The following ZMAT4 variants were observed in gnomAD, a reference collection of about 807,000 sequenced individuals.
ZMAT4 encodes zinc finger matrin-type protein 4.
Under a neutral mutation model 28.7 loss-of-function variants are expected in ZMAT4, and 17 were observed. The observed-to-expected ratio is 0.59, with a 90% CI of 0.41 to 0.89. ZMAT4 has a LOEUF of 0.89. Ranked by LOEUF, ZMAT4 falls within the 40% of genes least tolerant of loss-of-function variation. The pLI is 0.00. For missense variants in ZMAT4, 240 were observed against 283.8 expected (o/e 0.85, Z 1.11); for synonymous variants, 117 against 109.2 (o/e 1.07, Z -0.44).
chr8:40,610,825 GAGAT>G (rs1805766355), intron 5 of ZMAT4, among the ~76,000 whole-genome samples: 1 of 150,926 alleles, frequency 6.6e-6, no homozygotes, highest in Non-Finnish European at 1.5e-5. Flanking sequence ...AGGGGAATAA[GAGAT>G]AGGCCATAGA....
In ZMAT4 at chr8:40,700,491, C is replaced by G. The variant is rs185617659; in HGVS notation, c.193-3090G>C. ...GGAGTGCAGTGGTGCTATCGTAGCT[C>G]ATTATAGCCTGGAACTCCTTAGGTT... is the stretch of plus-strand genomic sequence containing the variant. On this transcript the variant is annotated intron_variant, in intron 3 of 6. Coordinates refer to ENST00000297737, the MANE Select transcript of ZMAT4 (RefSeq NM_024645.3). Among the ~76,000 whole-genome samples, 12 of 138,510 alleles carry G rather than the reference C, an allele frequency of 8.7e-5. No individual in the cohort carries two copies. The East Asian group carries it at 1.7e-3, about 20-fold the overall frequency. The allele number at this position is 138,510 out of a possible 152,430, so 90.9% of individuals were successfully genotyped here.
intron 2 of ZMAT4, chr8:40,786,862 A>C (rs1259700076): frequency 2.0e-6 from 1 of 507,904 alleles, no homozygotes; most frequent in Non-Finnish European, 3.3e-6. Flanking sequence ...TTCTAGGCCC[A>C]CAAAGAGTAA....
At chr8:40,630,833 A>G (rs1353759714) in intron 5 of ZMAT4, among the ~76,000 whole-genome samples, 1 of 152,242 alleles carries the variant, frequency 6.6e-6, no homozygotes, top group African/African-American at 2.4e-5. Context: ...TAAGAGCCAC[A>G]TGTGTAATTT....
chr8:40,868,148 A>T (rs969363731), intron 1 of ZMAT4, among the ~76,000 whole-genome samples: 65 of 152,306 alleles, frequency 4.3e-4, no homozygotes, highest in African/African-American at 1.3e-3. Context: ...GAATGAACAA[A>T]TGTTTTGCTC....
intron 3 of ZMAT4, among the ~76,000 whole-genome samples, 172 bp downstream of exon 3, chr8:40,767,469 G>A (rs1328124478): frequency 2.0e-5 from 3 of 152,004 alleles, no homozygotes; most frequent in Admixed American, 6.5e-5. Flanking sequence ...GTTCTGGCAG[G>A]AAAATAAAAA....
chr8:40,833,029 A>G (rs1021900396), intron 1 of ZMAT4, among the ~76,000 whole-genome samples: 1 of 151,168 alleles, frequency 6.6e-6, no homozygotes, highest in African/African-American at 2.4e-5. Context: ...GAAAGAAAAA[A>G]CTCTTTGCTC....
chr8:40,844,247 A>C (rs6992115), intron 1 of ZMAT4, among the ~76,000 whole-genome samples: 50,753 of 152,082 alleles, frequency 0.33, 8,793 homozygotes, highest in East Asian at 0.56. Flanking sequence ...CTGGTAAAAC[A>C]GTATTTCTGG....
chr8:40,764,301 T>TA (rs1381931234), intron 3 of ZMAT4, among the ~76,000 whole-genome samples: 1 of 152,118 alleles, frequency 6.6e-6, no homozygotes, highest in Non-Finnish European at 1.5e-5. Context: ...ATTCTAAAGA[T>TA]AAAAGCATGT....
At chr8:40,755,996 C>T (rs992034575) in intron 3 of ZMAT4, among the ~76,000 whole-genome samples, 1 of 152,012 alleles carries the variant, frequency 6.6e-6, no homozygotes, top group South Asian at 2.1e-4. Flanking sequence ...CAGGCCTGTC[C>T]TAACTGGACT....
intron 2 of ZMAT4, among the ~76,000 whole-genome samples, chr8:40,804,397 TA>T (rs1402764040): frequency 6.6e-6 from 1 of 151,992 alleles, no homozygotes; most frequent in Non-Finnish European, 1.5e-5. Flanking sequence ...AAAACTGTCC[TA>T]AAAAAAAGGA....
At chr8:40,541,903 G>A (rs1294158085) in intron 6 of ZMAT4, among the ~76,000 whole-genome samples, 1 of 152,164 alleles carries the variant, frequency 6.6e-6, no homozygotes, top group African/African-American at 2.4e-5. Context: ...AAAATCTAGA[G>A]TCCCACAGTG....
At chr8:40,679,474 T>C (rs1809056950) in intron 4 of ZMAT4, among the ~76,000 whole-genome samples, 1 of 152,112 alleles carries the variant, frequency 6.6e-6, no homozygotes, top group African/African-American at 2.4e-5. Flanking sequence ...CTTACAATCA[T>C]GGCAGAAGTG....
At chr8:40,711,945 G>T (rs1176847692) in intron 3 of ZMAT4, among the ~76,000 whole-genome samples, 1 of 152,242 alleles carries the variant, frequency 6.6e-6, no homozygotes, top group South Asian at 2.1e-4. Flanking sequence ...TCTAAATTTT[G>T]TATGTGGGTT....
Position 40,782,668 on chromosome 8 carries a change from A to G in ZMAT4, c.103-14938T>C, listed in dbSNP as rs557449094. ...GCAAGAAGGGAAGAAATGCTCCAGC[A>G]TGGAACTGGACTTGATTCCAAATAC... On this transcript the variant is annotated intron_variant, in intron 2 of 6. Transcript: ENST00000297737. Among the ~76,000 whole-genome samples, 126 of 152,326 alleles carry G rather than the reference A, an allele frequency of 8.3e-4. 2 individuals are homozygous for G. The highest frequency in any genetic ancestry group is 5.0e-3 in the Admixed American group (77 of 15,292).
intron 5 of ZMAT4, among the ~76,000 whole-genome samples, chr8:40,581,922 A>C (rs946123097): frequency 6.6e-6 from 1 of 152,222 alleles, no homozygotes; most frequent in African/African-American, 2.4e-5. Flanking sequence ...GAAGTTTAGT[A>C]AAAATCTTGA....
intron 5 of ZMAT4, among the ~76,000 whole-genome samples, chr8:40,585,492 A>G (rs1292942393): frequency 6.6e-6 from 1 of 152,090 alleles, no homozygotes; most frequent in Non-Finnish European, 1.5e-5. Flanking sequence ...ATAACCCCCA[A>G]TCTCACCATA....
At position 40,674,684 on chromosome 8, in the gene ZMAT4, G is replaced by C. The variant is rs756271671; in HGVS notation, c.577+20C>G. On this transcript the variant is annotated intron_variant, in intron 5 of 6. Coordinates refer to ENST00000297737, the MANE Select transcript of ZMAT4 (RefSeq NM_024645.3). ...CTGAAAGCCCAGTTTTGTGGCAGAA[G>C]TGAGAAGAGCTGCCCTTACCTCTCA... The C allele has an allele frequency of 2.5e-6, 4 of 1,598,546 alleles. No individual in the cohort carries two copies. Among genetic ancestry groups the C allele is most frequent in the Non-Finnish European group, 3.4e-6 (4 of 1,166,214 alleles).
At position 40,855,588 on chromosome 8, in the gene ZMAT4, G is replaced by C. The variant is rs117288999; in HGVS notation, c.-4-29908C>G. ...CAGAATTGACCAGTGACAAATCTTGGTGACAGTAAAATTTGTCCTTCAGTC... is the reference window on the plus strand; with the variant it reads ...CAGAATTGACCAGTGACAAATCTTGCTGACAGTAAAATTTGTCCTTCAGTC... On this transcript the variant is annotated intron_variant, in intron 1 of 6. Transcript: ENST00000297737. 3.2e-3 allele frequency among the ~76,000 whole-genome samples: 488 copies of C among 152,182 alleles called. 1 individual carries two copies. Among genetic ancestry groups the C allele is most frequent in the Non-Finnish European group, 5.7e-3 (390 of 68,020 alleles).
intron 5 of ZMAT4, among the ~76,000 whole-genome samples, chr8:40,618,371 A>G: frequency 6.6e-6 from 1 of 152,130 alleles, no homozygotes; most frequent in East Asian, 1.9e-4. Flanking sequence ...CTCACAAACA[A>G]TTCTGTCAGA....
Sources: gnomAD v4.1 joint callset for allele counts (sites outside exome capture counted in the v4.1 genomes callset) on GRCh38, gnomAD v4.1.1 for gene constraint, MANE v1.5 for transcripts, NCBI Gene and HGNC (gene_info 2026-07-23, HGNC 2026-07-21) for gene names.